The following HHAT variants were observed in gnomAD, a reference collection of about 807,000 sequenced individuals.
HHAT encodes the protein hedgehog acyltransferase, also known as protein-cysteine N-palmitoyltransferase HHAT.
A neutral mutation model predicts 70.8 loss-of-function variants in HHAT; 47 were observed. The observed-to-expected ratio is 0.66, with a 90% CI of 0.53 to 0.85. The LOEUF (loss-of-function observed/expected upper bound fraction) is 0.85, where lower values mean the gene tolerates loss of function less well. Among genes scored for constraint, HHAT ranks in the 40% least tolerant of loss-of-function variants. HHAT has a pLI of 0.00. For synonymous variants in HHAT, 228 were observed against 247.6 expected (o/e 0.92, Z 0.74); for missense variants, 609 against 604.8 (o/e 1.01, Z -0.07).
chr1:210,349,964 G>A (rs1384082461), intron 2 of HHAT, among the ~76,000 whole-genome samples: 1 of 152,122 alleles, frequency 6.6e-6, no homozygotes, highest in Non-Finnish European at 1.5e-5. Flanking sequence ...GGGACTACAG[G>A]AGTGCACCAC....
At chr1:210,531,866 G>A (rs1300084616) in intron 9 of HHAT, among the ~76,000 whole-genome samples, 1 of 152,202 alleles carries the variant, frequency 6.6e-6, no homozygotes, top group Non-Finnish European at 1.5e-5. Context: ...GGCTTGCTTA[G>A]TGGCAAGGGT....
chr1:210,423,255 A>G (rs1442389836), intron 7 of HHAT, among the ~76,000 whole-genome samples: 1 of 152,162 alleles, frequency 6.6e-6, no homozygotes, highest in East Asian at 1.9e-4. Flanking sequence ...CACTTTCATA[A>G]TAGTCATCCT....
intron 6 of HHAT, among the ~76,000 whole-genome samples, chr1:210,412,126 C>A (rs986994640): frequency 2.6e-5 from 4 of 152,102 alleles, no homozygotes; most frequent in Non-Finnish European, 4.4e-5. Flanking sequence ...TATAAGGGTG[C>A]TATTCCCAAC....
At chr1:210,377,159 T>G (rs2090292838) in intron 3 of HHAT, among the ~76,000 whole-genome samples, 1 of 152,232 alleles carries the variant, frequency 6.6e-6, no homozygotes, top group African/African-American at 2.4e-5. Flanking sequence ...ACTTTGTCTT[T>G]TTGATATTCT....
chr1:210,421,619 A>AT (rs1276682127), intron 7 of HHAT, among the ~76,000 whole-genome samples: 1 of 151,884 alleles, frequency 6.6e-6, no homozygotes, highest in Non-Finnish European at 1.5e-5. Flanking sequence ...TAATTTTTGT[A>AT]TTTTTAGTAG....
intron 11 of HHAT, among the ~76,000 whole-genome samples, chr1:210,655,667 G>A (rs1399445260): frequency 2.0e-5 from 3 of 152,126 alleles, no homozygotes; most frequent in Admixed American, 6.5e-5. Context: ...CTCTGTAACC[G>A]AAGTGGAAAA....
chr1:210,451,000 T>C (rs188545988), intron 7 of HHAT, among the ~76,000 whole-genome samples: 1,843 of 146,576 alleles, frequency 0.013, 31 homozygotes, highest in African/African-American at 0.043. Context: ...GGCAGGAGAA[T>C]GGTGTGAACC....
intron 9 of HHAT, among the ~76,000 whole-genome samples, chr1:210,552,668 C>A (rs183535842): frequency 6.6e-6 from 1 of 152,170 alleles, no homozygotes. Flanking sequence ...TACCTCTTGA[C>A]CAGTTATTGA....
intron 2 of HHAT, 104 bp from the exon 3 acceptor site, chr1:210,362,748 C>A: frequency 1.1e-6 from 1 of 891,750 alleles, no homozygotes; most frequent in South Asian, 1.4e-5. Context: ...AGTCCACTGG[C>A]TGCTTTTCCA....
At position 210,674,475 on chromosome 1, in the gene HHAT, A is replaced by G. The variant is rs1680822828; in HGVS notation, c.*96A>G. On this transcript the variant is annotated 3_prime_UTR_variant, in exon 12 of 12. Transcript: ENST00000261458. ...TCCAGGACAGCCTCTAAGGGATTTG[A>G]TCTGCTCATCTTCAGTTGAATGCCC... 1 of 878,858 alleles carries G rather than the reference A, an allele frequency of 1.1e-6. No homozygotes were observed. Among genetic ancestry groups the G allele is most frequent in the Admixed American group, 2.2e-5 (1 of 46,402 alleles). 54.4% of individuals were successfully genotyped at this position (878,858 alleles called of 1,614,324 possible). A position where few individuals can be genotyped will look rare whatever the true frequency, so the allele number is the denominator to read the frequency against.
intron 10 of HHAT, among the ~76,000 whole-genome samples, chr1:210,597,496 C>T (rs1663269117): frequency 6.6e-6 from 1 of 152,100 alleles, no homozygotes; most frequent in Non-Finnish European, 1.5e-5. Flanking sequence ...CCTTAGGAAT[C>T]TACTTGGTAC....
chr1:210,475,208 G>A (rs1371744303), intron 8 of HHAT, among the ~76,000 whole-genome samples: 2 of 152,016 alleles, frequency 1.3e-5, no homozygotes, highest in Non-Finnish European at 2.9e-5. Flanking sequence ...TCCTGGCCAG[G>A]CCCTGGCAAG....
chr1:210,560,570 C>T (rs2095612022), intron 9 of HHAT, among the ~76,000 whole-genome samples: 1 of 150,976 alleles, frequency 6.6e-6, no homozygotes, highest in African/African-American at 2.4e-5. Context: ...GGTCCCATTA[C>T]TTTGGGAGGC....
chr1:210,503,082 C>G (rs1268822052), intron 8 of HHAT, among the ~76,000 whole-genome samples: 2 of 152,114 alleles, frequency 1.3e-5, no homozygotes, highest in Non-Finnish European at 2.9e-5. Context: ...GCCTCAGCCT[C>G]CCGAGTAGCT....
At chr1:210,518,430 T>C (rs1271188693) in intron 9 of HHAT, among the ~76,000 whole-genome samples, 2 of 152,234 alleles carry the variant, frequency 1.3e-5, no homozygotes, top group Non-Finnish European at 2.9e-5. Flanking sequence ...TTCTTTTTTA[T>C]GGCTGCATAG....
intron 9 of HHAT, among the ~76,000 whole-genome samples, chr1:210,566,126 G>A (rs1558175017): frequency 6.6e-6 from 1 of 152,084 alleles, no homozygotes; most frequent in Non-Finnish European, 1.5e-5. Flanking sequence ...GTTGGTTTAG[G>A]TTCACAAACA....
intron 8 of HHAT, among the ~76,000 whole-genome samples, chr1:210,486,988 G>C (rs2094481844): frequency 6.6e-6 from 1 of 152,184 alleles, no homozygotes. Flanking sequence ...TCTCAACTTA[G>C]AGCCATATAA....
chr1:210,628,921 G>A (rs1256017554), intron 11 of HHAT, among the ~76,000 whole-genome samples: 4 of 152,124 alleles, frequency 2.6e-5, no homozygotes, highest in South Asian at 4.1e-4. Flanking sequence ...GGCAGGTGTC[G>A]GTGTCTCAGA....
intron 1 of HHAT, among the ~76,000 whole-genome samples, chr1:210,336,017 A>C (rs978434082): frequency 3.3e-5 from 5 of 152,216 alleles, no homozygotes; most frequent in Non-Finnish European, 5.9e-5. Context: ...ATTGATGTAA[A>C]GTTCAAAACC....
Sources: allele counts gnomAD v4.1 joint callset (sites outside exome capture counted in the v4.1 genomes callset), GRCh38; gene constraint gnomAD v4.1.1; transcripts MANE v1.5; gene names NCBI Gene and HGNC (gene_info 2026-07-23, HGNC 2026-07-21).